STX17: variants seen among roughly 807,000 people sequenced by gnomAD.
STX17 encodes syntaxin-17.
STX17 carries 29 observed loss-of-function variants against 35.9 expected under a neutral mutation model. The ratio of observed to expected loss-of-function variants is 0.81; its 90% confidence interval spans 0.60 to 1.10. STX17 has a LOEUF of 1.10. Ranked by LOEUF, STX17 falls within the 50% of genes least tolerant of loss-of-function variation. The pLI is 0.00. For missense variants in STX17, 312 were observed against 352.3 expected, an observed-to-expected ratio of 0.89 and a Z score of 0.92; for synonymous variants, 92 against 118.3, an observed-to-expected ratio of 0.78 and a Z score of 1.44.
intron 2 of STX17, among the ~76,000 whole-genome samples, chr9:99,919,277 G>A (rs1828846866): frequency 1.3e-5 from 2 of 152,184 alleles, no homozygotes; most frequent in African/African-American, 2.4e-5. Context: ...CAGTTGCTTA[G>A]TCGTTTTTTA....
At chr9:99,927,797 A>G (rs1209526813) in intron 2 of STX17, among the ~76,000 whole-genome samples, 1 of 152,192 alleles carries the variant, frequency 6.6e-6, no homozygotes, top group Non-Finnish European at 1.5e-5. Flanking sequence ...TTTTAAGCTT[A>G]ATAGTTATTG....
intron 4 of STX17, among the ~76,000 whole-genome samples, chr9:99,957,665 T>G (rs1020586908): frequency 6.6e-6 from 1 of 151,260 alleles, no homozygotes; most frequent in South Asian, 2.1e-4. Context: ...TGTTTTTTTT[T>G]TTTTTTTGAG....
At chr9:99,919,852 T>C (rs1269705144) in intron 2 of STX17, among the ~76,000 whole-genome samples, 1 of 152,176 alleles carries the variant, frequency 6.6e-6, no homozygotes, top group Non-Finnish European at 1.5e-5. Context: ...CAAAAAATGA[T>C]AAGAGGCAGC....
intron 3 of STX17, among the ~76,000 whole-genome samples, chr9:99,931,527 A>C (rs1829124209): frequency 2.0e-5 from 3 of 151,542 alleles, no homozygotes; most frequent in Non-Finnish European, 2.9e-5. Flanking sequence ...AAAGGTCCGC[A>C]AACTGATTCA....
chr9:99,912,379 A>G (rs1828684051), intron 1 of STX17, among the ~76,000 whole-genome samples: 2 of 152,110 alleles, frequency 1.3e-5, no homozygotes. Context: ...GATGTTGAGC[A>G]TTAAAAAAAA....
intron 3 of STX17, among the ~76,000 whole-genome samples, chr9:99,935,795 G>A (rs1339210329): frequency 6.6e-6 from 1 of 152,228 alleles, no homozygotes; most frequent in Non-Finnish European, 1.5e-5. Context: ...TCTAAAGGAA[G>A]TGAAGGCATA....
chr9:99,928,023 G>T (rs976658289), intron 2 of STX17, among the ~76,000 whole-genome samples: 2 of 151,822 alleles, frequency 1.3e-5, no homozygotes, highest in South Asian at 2.1e-4. Context: ...TTGATGTTTT[G>T]GGAATGTGTA....
chr9:99,952,390 G>C lies in STX17; in HGVS notation c.415+1105G>C, dbSNP rs550822797. Reference sequence around the variant, plus strand: ...AAAAGTCAGGAAACAACAGGTGCTGGAGAGGATGTGGAGAAATAAGAACAC... The same window carrying C: ...AAAAGTCAGGAAACAACAGGTGCTGCAGAGGATGTGGAGAAATAAGAACAC... On this transcript the variant is annotated intron_variant, in intron 4 of 7. Coordinates refer to ENST00000259400, the MANE Select transcript of STX17 (RefSeq NM_017919.3). Among the ~76,000 whole-genome samples the C allele has an allele frequency of 3.9e-5, 6 of 152,290 alleles. No individual in the cohort carries two copies. The East Asian group carries it at 1.2e-3, about 29-fold the overall frequency.
intron 2 of STX17, among the ~76,000 whole-genome samples, chr9:99,928,025 G>C (rs1384493249): frequency 6.6e-6 from 1 of 151,960 alleles, no homozygotes; most frequent in Non-Finnish European, 1.5e-5. Context: ...GATGTTTTGG[G>C]AATGTGTAAA....
chr9:99,958,638 C>T (rs1184851847), intron 4 of STX17, among the ~76,000 whole-genome samples: 1 of 152,184 alleles, frequency 6.6e-6, no homozygotes, highest in Non-Finnish European at 1.5e-5. Context: ...GGCCCAGGCT[C>T]CTAACCACTA....
At chr9:99,939,874 T>C (rs1190914557) in intron 3 of STX17, among the ~76,000 whole-genome samples, 3 of 152,352 alleles carry the variant, frequency 2.0e-5, no homozygotes, top group Non-Finnish European at 2.9e-5. Flanking sequence ...CTGCCAACAC[T>C]GCACCATCTG....
chr9:99,972,807 T>C lies in STX17; in HGVS notation c.*4134T>C, dbSNP rs1026143311. 6.6e-6 allele frequency among the ~76,000 whole-genome samples: 1 copy of C among 152,160 alleles called. No homozygotes were observed. The highest frequency in any genetic ancestry group is 2.4e-5 in the African/African-American group (1 of 41,432). On this transcript the variant is annotated 3_prime_UTR_variant, in exon 8 of 8. Coordinates refer to ENST00000259400, the MANE Select transcript of STX17 (RefSeq NM_017919.3). Reference sequence around the variant, plus strand: ...TCCCCTTTGTCCTTCGTTGCTGCCATATGAAATCTTACAAGGAAGGATGAG... The same window carrying C: ...TCCCCTTTGTCCTTCGTTGCTGCCACATGAAATCTTACAAGGAAGGATGAG...
chr9:99,919,669 A>G (rs1483332703), intron 2 of STX17, among the ~76,000 whole-genome samples: 1 of 152,212 alleles, frequency 6.6e-6, no homozygotes, highest in Non-Finnish European at 1.5e-5. Flanking sequence ...TGAATCTGCC[A>G]GGTTTAATGA....
At chr9:99,911,291 C>T (rs558305704) in intron 1 of STX17, among the ~76,000 whole-genome samples, 2 of 152,306 alleles carry the variant, frequency 1.3e-5, no homozygotes, top group East Asian at 3.9e-4. Flanking sequence ...CCTCCACCTC[C>T]CAAAGTGCTG....
chr9:99,954,362 AACT>A (rs1425407848), intron 4 of STX17, among the ~76,000 whole-genome samples: 5 of 152,018 alleles, frequency 3.3e-5, no homozygotes, highest in African/African-American at 1.2e-4. Context: ...GCAATTAAAA[AACT>A]ACTGTCTCAC....
chr9:99,923,998 T>C (rs1467685848), intron 2 of STX17, among the ~76,000 whole-genome samples: 1 of 152,186 alleles, frequency 6.6e-6, no homozygotes, highest in African/African-American at 2.4e-5. Flanking sequence ...GTACCTCTTA[T>C]GGAGACTTTA....
intron 6 of STX17, among the ~76,000 whole-genome samples, chr9:99,965,881 C>T (rs1331214764): frequency 2.6e-5 from 4 of 152,178 alleles, no homozygotes; most frequent in African/African-American, 9.7e-5. Context: ...TTTATCCCCA[C>T]TTCAACTCTA....
intron 4 of STX17, among the ~76,000 whole-genome samples, chr9:99,958,555 A>G (rs1280676980): frequency 6.6e-6 from 1 of 152,230 alleles, no homozygotes; most frequent in Non-Finnish European, 1.5e-5. Flanking sequence ...AAACCAGCCA[A>G]AGAGATGAAA....
chr9:99,930,462 T>C (rs1035777732), intron 3 of STX17, among the ~76,000 whole-genome samples: 1 of 151,776 alleles, frequency 6.6e-6, no homozygotes, highest in Non-Finnish European at 1.5e-5. Flanking sequence ...AGAGATGGGG[T>C]TTCACAATGT....
Sources: allele counts gnomAD v4.1 joint callset (sites outside exome capture counted in the v4.1 genomes callset), GRCh38; gene constraint gnomAD v4.1.1; transcripts MANE v1.5; gene names NCBI Gene and HGNC (gene_info 2026-07-23, HGNC 2026-07-21).